Variants in FAM184A observed in about 807,000 individuals in gnomAD.
FAM184A encodes the protein protein FAM184A.
Under a neutral mutation model 143.8 loss-of-function variants are expected in FAM184A, and 99 were observed. The ratio of observed to expected loss-of-function variants is 0.69; its 90% confidence interval spans 0.58 to 0.81. FAM184A has a LOEUF of 0.81. Ranked by LOEUF, FAM184A falls within the 40% of genes least tolerant of loss-of-function variation. FAM184A has a pLI of 0.00. For synonymous variants in FAM184A, 427 were observed against 446.4 expected (o/e 0.96, Z 0.55); for missense variants, 1,217 against 1,310.5 (o/e 0.93, Z 1.10).
chr6:119,053,903 G>A (rs563644700), intron 1 of FAM184A, among the ~76,000 whole-genome samples: 6 of 152,212 alleles, frequency 3.9e-5, no homozygotes, highest in African/African-American at 1.4e-4. Context: ...GTTTCCTATG[G>A]TGATAAACAT....
intron 1 of FAM184A, among the ~76,000 whole-genome samples, chr6:119,099,050 C>T (rs1788577973): frequency 6.6e-6 from 1 of 152,160 alleles, no homozygotes; most frequent in African/African-American, 2.4e-5. Context: ...GTGGAGGTTG[C>T]AGTGAGCCGA....
rs1785139691 is a variant in FAM184A, at chr6:119,013,158, T to C, written c.1531-1727A>G. Among the ~76,000 whole-genome samples the C allele has an allele frequency of 2.0e-5, 3 of 152,134 alleles. No individual in the cohort carries two copies. The South Asian group carries it at 6.2e-4, about 31-fold the overall frequency. On this transcript the variant is annotated intron_variant, in intron 5 of 17. Transcript: ENST00000338891. The stretch of plus-strand genomic sequence containing the variant: ...ATGCTGCAATAGGGTGGTGAATATA[T>C]TCACCTATAGGAAATTTCATGTCAT...
upstream of FAM184A, among the ~76,000 whole-genome samples, chr6:119,083,494 G>A (rs1788130900): frequency 6.6e-6 from 1 of 152,148 alleles, no homozygotes; most frequent in African/African-American, 2.4e-5. Flanking sequence ...GCATATGACT[G>A]TATGCTTTCA....
At chr6:119,122,291 T>C (rs1789236383) in intron 1 of FAM184A, among the ~76,000 whole-genome samples, 1 of 152,218 alleles carries the variant, frequency 6.6e-6, no homozygotes, top group Non-Finnish European at 1.5e-5. Flanking sequence ...AATTCAGATA[T>C]TGTTGGTCTA....
chr6:118,961,797 T>C lies in FAM184A; in HGVS notation c.3305A>G (p.Gln1102Arg). 6.2e-7 allele frequency: 1 copy of C among 1,613,932 alleles called. No individual in the cohort carries two copies. Among genetic ancestry groups the C allele is most frequent in the Non-Finnish European group, 8.5e-7 (1 of 1,179,860 alleles). Residue 1102 changes from glutamine (Q) to arginine (R), a missense_variant, in exon 17 of 18, where the codon CAG (glutamine) becomes CGG (arginine). By Grantham distance (43) the Gln-to-Arg change is conservative. Coordinates refer to ENST00000338891, the MANE Select transcript of FAM184A (RefSeq NM_024581.6). ...IEFNSSKPLP[Q>R]PVPPKGPKTF... ...CTTGGGCCCTTTAGGTGGCACTGGC[T>C]GTGGAAGTGGTTTGCTGCTGTTGAA... is the stretch of plus-strand genomic sequence containing the variant.
chr6:118,977,679 A>C (rs973325827), intron 11 of FAM184A, among the ~76,000 whole-genome samples: 6 of 152,200 alleles, frequency 3.9e-5, no homozygotes, highest in African/African-American at 1.2e-4. Context: ...AATGGTTGCC[A>C]GGTGTTATAG....
chr6:119,006,025 C>A, intron 7 of FAM184A: 1 of 720,342 alleles, frequency 1.4e-6, no homozygotes, highest in Non-Finnish European at 2.6e-6. Context: ...TTTGGAAATA[C>A]AGTCAGTACA....
chr6:119,011,083 C>A, intron 6 of FAM184A: 1 of 389,892 alleles, frequency 2.6e-6, no homozygotes, highest in South Asian at 3.8e-5. Flanking sequence ...TTCTGTTTTG[C>A]TTCTCCCCAC....
intron 1 of FAM184A, among the ~76,000 whole-genome samples, chr6:119,059,087 C>T (rs1483176549): frequency 3.9e-5 from 6 of 152,128 alleles, no homozygotes; most frequent in Non-Finnish European, 7.4e-5. Flanking sequence ...ACCTCCACCT[C>T]CCGGGTTCAA....
chr6:118,997,138 C>T (rs968433152), intron 9 of FAM184A, among the ~76,000 whole-genome samples: 2 of 151,714 alleles, frequency 1.3e-5, no homozygotes, highest in African/African-American at 4.8e-5. Flanking sequence ...TGGTGGCTCA[C>T]ACCTGTAATC....
chr6:119,020,479 G>C (rs1050421264), intron 3 of FAM184A, among the ~76,000 whole-genome samples: 5 of 151,888 alleles, frequency 3.3e-5, no homozygotes, highest in Non-Finnish European at 7.4e-5. Context: ...TGAAGTAGGC[G>C]CAACTCCTCA....
intron 1 of FAM184A, among the ~76,000 whole-genome samples, chr6:119,046,947 C>T (rs751209760): frequency 6.6e-4 from 101 of 152,048 alleles, no homozygotes; most frequent in Admixed American, 1.4e-3. Flanking sequence ...AAGAGACAAC[C>T]CACAGAGTAG....
intron 1 of FAM184A, among the ~76,000 whole-genome samples, chr6:119,147,330 C>G (rs1221209997): frequency 7.7e-6 from 1 of 129,608 alleles, no homozygotes; most frequent in Non-Finnish European, 1.6e-5. Context: ...GGGCTTCCAA[C>G]TGGTCCTGTC....
At chr6:118,978,030 C>T (rs561466556) in intron 11 of FAM184A, among the ~76,000 whole-genome samples, 2 of 152,302 alleles carry the variant, frequency 1.3e-5, no homozygotes, top group East Asian at 3.9e-4. Flanking sequence ...ATGGTGTGAT[C>T]TTGGCTCACT....
intron 9 of FAM184A, among the ~76,000 whole-genome samples, chr6:119,000,863 G>A (rs1454964435): frequency 6.6e-6 from 1 of 151,764 alleles, no homozygotes; most frequent in Non-Finnish European, 1.5e-5. Flanking sequence ...TGGCCTTGCG[G>A]GGCTAAAGGA....
intron 1 of FAM184A, among the ~76,000 whole-genome samples, chr6:119,047,544 C>T (rs531272352): frequency 2.0e-5 from 3 of 152,162 alleles, no homozygotes; most frequent in Admixed American, 6.5e-5. Context: ...ATGAAGGGGA[C>T]GTTACCACTG....
At position 119,020,157 on chromosome 6, in the gene FAM184A, G is replaced by A. The variant is rs185811837; in HGVS notation, c.1153C>T (p.His385Tyr). ...QASDLVLKASHIGMLQATQMT... is the reference protein window; with the variant it reads ...QASDLVLKASYIGMLQATQMT... ...TGAGTTGCTTGAAGCATTCCAATAT[G>A]ACCTATCCCCCAAAAAGAAAATCCC... is the stretch of plus-strand genomic sequence containing the variant. Residue 385 changes from histidine (H) to tyrosine (Y), a missense_variant and splice_region_variant, in exon 4 of 18, where the codon CAT becomes TAT. By Grantham distance (83) the His-to-Tyr change is moderately conservative. Transcript: ENST00000338891. 1,761 of 1,534,354 alleles carry A rather than the reference G, an allele frequency of 1.1e-3. 15 individuals carry two copies. Among genetic ancestry groups the A allele is most frequent in the South Asian group, 2.4e-3 (184 of 77,592 alleles).
chr6:119,044,305 C>A (rs989199317), intron 1 of FAM184A, among the ~76,000 whole-genome samples: 1 of 152,020 alleles, frequency 6.6e-6, no homozygotes, highest in Non-Finnish European at 1.5e-5. Context: ...AGCTAATAAA[C>A]GAATTCAGCA....
chr6:119,059,997 T>C (rs948510231), intron 1 of FAM184A, among the ~76,000 whole-genome samples: 1 of 152,238 alleles, frequency 6.6e-6, no homozygotes, highest in Non-Finnish European at 1.5e-5. Flanking sequence ...AGGTATAAAT[T>C]GGTCACTAAC....
Sources: allele counts gnomAD v4.1 joint callset (sites outside exome capture counted in the v4.1 genomes callset), GRCh38; gene constraint gnomAD v4.1.1; transcripts MANE v1.5; gene names NCBI Gene and HGNC (gene_info 2026-07-23, HGNC 2026-07-21).